RGL1: variants seen among roughly 807,000 people sequenced by gnomAD.
RGL1 encodes ral guanine nucleotide dissociation stimulator-like 1.
In RGL1, 24 loss-of-function variants were observed where a neutral mutation model predicts 95.2. The ratio of observed to expected loss-of-function variants is 0.25; its 90% CI spans 0.18 to 0.35. The LOEUF (loss-of-function observed/expected upper bound fraction) is 0.35, where lower values mean the gene tolerates loss of function less well. Among genes scored for constraint, RGL1 ranks in the 10% least tolerant of loss-of-function variants. The probability of loss-of-function intolerance (pLI) is 1.00; values close to 1 mark genes in which losing one functional copy is unlikely to be tolerated. For missense variants in RGL1, 715 were observed against 936.3 expected (o/e 0.76, Z 3.08); for synonymous variants, 329 against 344.9 (o/e 0.95, Z 0.51).
rs148163798 is a variant in RGL1, at chr1:183,847,723, C to T, written c.296C>T (p.Thr99Met). Reference protein sequence around the residue: ...DFTYISIFLSTYRGFASTKEV... With the variant: ...DFTYISIFLSMYRGFASTKEV... ...ACCTATATCAGCATCTTTCTTTCAA[C>T]GTACAGAGGCTTTGCCTCCACTAAA... The change falls in exon 3 of 18, where the codon ACG becomes ATG. Residue 99 changes from threonine to methionine, a missense_variant. Coordinates refer to ENST00000360851, the MANE Select transcript of RGL1 (RefSeq NM_001297671.3). The T allele has an allele frequency of 1.8e-5, 29 of 1,613,948 alleles. No homozygotes were observed. The highest frequency in any genetic ancestry group is 1.6e-4 in the African/African-American group (12 of 74,920).
chr1:183,791,560 C>T (rs1319668365), intron 2 of RGL1, among the ~76,000 whole-genome samples: 2 of 152,210 alleles, frequency 1.3e-5, no homozygotes, highest in South Asian at 2.1e-4. Context: ...ATGTAACTGA[C>T]CACACTAAGA....
chr1:183,643,137 T>TA (rs1324713136), intron 1 of RGL1, among the ~76,000 whole-genome samples: 1 of 152,234 alleles, frequency 6.6e-6, no homozygotes, highest in African/African-American at 2.4e-5. Flanking sequence ...CCATTGTATG[T>TA]ATATACCACA....
chr1:183,669,894 TGAGAACTCACTCACTGTC>T (rs1652324899), intron 1 of RGL1, among the ~76,000 whole-genome samples: 1 of 152,112 alleles, frequency 6.6e-6, no homozygotes, highest in Admixed American at 6.5e-5. Context: ...TCAGATCTCA[TGAGAACTCACTCACTGTC>T]ATGAGAACAG....
At chr1:183,687,626 A>G (rs900953565) in intron 1 of RGL1, among the ~76,000 whole-genome samples, 2 of 152,156 alleles carry the variant, frequency 1.3e-5, no homozygotes, top group Non-Finnish European at 1.5e-5. Context: ...GCAAGGCTCA[A>G]CAAATGACTG....
chr1:183,838,386 G>A (rs1318091825), intron 2 of RGL1, among the ~76,000 whole-genome samples: 1 of 152,152 alleles, frequency 6.6e-6, no homozygotes, highest in African/African-American at 2.4e-5. Flanking sequence ...GATGGCAAAG[G>A]GGGATGGGAT....
chr1:183,907,108 G>A lies in RGL1; in HGVS notation c.1562+7G>A, dbSNP rs754816103. The A allele has an allele frequency of 1.0e-5, 16 of 1,572,532 alleles. No homozygotes were observed. Among genetic ancestry groups the A allele is most frequent in the Admixed American group, 1.7e-5 (1 of 59,238 alleles). ...TGGTGAAGAGACTCAGCCTGTGAGT[G>A]TCCCCTGGGGGTTCTGGGGCTCCAA... On this transcript the variant is annotated splice_region_variant and intron_variant, in intron 14 of 17. Transcript: ENST00000360851.
chr1:183,726,080 A>G (rs916299377), intron 1 of RGL1, among the ~76,000 whole-genome samples: 1 of 152,180 alleles, frequency 6.6e-6, no homozygotes, highest in African/African-American at 2.4e-5. Flanking sequence ...AAGATGAAAT[A>G]AAAAGGAAAG....
chr1:183,688,132 A>G (rs1260848333), intron 1 of RGL1, among the ~76,000 whole-genome samples: 10 of 152,160 alleles, frequency 6.6e-5, no homozygotes, highest in Admixed American at 5.9e-4. Context: ...AAAGCACAAT[A>G]CAAGTGTAAT....
chr1:183,703,765 A>G (rs1654738224), intron 1 of RGL1, among the ~76,000 whole-genome samples: 1 of 152,124 alleles, frequency 6.6e-6, no homozygotes, highest in South Asian at 2.1e-4. Flanking sequence ...TTGCCCAGGT[A>G]CCTGTCTCTG....
intron 4 of RGL1, among the ~76,000 whole-genome samples, chr1:183,872,665 A>G (rs1295125756): frequency 6.6e-6 from 1 of 152,242 alleles, no homozygotes; most frequent in Non-Finnish European, 1.5e-5. Context: ...TACACTTTAA[A>G]GAGAAAGGAA....
rs138926487 is a variant in RGL1, at chr1:183,778,553, C to G, written c.133-27822C>G. ...CTTATTTTATATGATATGTTTCTGT[C>G]CTTTATGGGGGTAAACAGAGAAACT... is the stretch of plus-strand genomic sequence containing the variant. On this transcript the variant is annotated intron_variant, in intron 2 of 18. Transcript: ENST00000304685. 5.0e-3 allele frequency among the ~76,000 whole-genome samples: 768 copies of G among 152,112 alleles called. 8 individuals are homozygous for G. The highest frequency in any genetic ancestry group is 0.018 in the African/African-American group (744 of 41,470).
intron 1 of RGL1, among the ~76,000 whole-genome samples, chr1:183,688,554 C>T (rs1653758216): frequency 6.6e-6 from 1 of 152,048 alleles, no homozygotes; most frequent in African/African-American, 2.4e-5. Flanking sequence ...AAGACTGACG[C>T]CTCTGCAACC....
chr1:183,874,551 G>A (rs751559710), intron 4 of RGL1, among the ~76,000 whole-genome samples: 12 of 149,674 alleles, frequency 8.0e-5, no homozygotes, highest in South Asian at 2.1e-4. Context: ...TAGTCCCTGC[G>A]TTGCCCTTGC....
At chr1:183,874,472 C>G (rs1419959362) in intron 4 of RGL1, among the ~76,000 whole-genome samples, 2 of 151,944 alleles carry the variant, frequency 1.3e-5, no homozygotes, top group African/African-American at 4.8e-5. Flanking sequence ...GTATGTCTTC[C>G]TTTCATAATC....
chr1:183,918,503 G>A (rs1357858090), intron 16 of RGL1, among the ~76,000 whole-genome samples: 1 of 152,204 alleles, frequency 6.6e-6, no homozygotes, highest in African/African-American at 2.4e-5. Flanking sequence ...GCATGGATTT[G>A]TACACCAAAC....
At chr1:183,660,540 C>A (rs12035427) in intron 1 of RGL1, among the ~76,000 whole-genome samples, 2 of 150,136 alleles carry the variant, frequency 1.3e-5, no homozygotes, top group Admixed American at 6.6e-5. Context: ...CAATACAGGA[C>A]CACCCAGATT....
intron 3 of RGL1, among the ~76,000 whole-genome samples, chr1:183,862,355 C>T (rs1347399737): frequency 6.6e-6 from 1 of 152,046 alleles, no homozygotes; most frequent in Non-Finnish European, 1.5e-5. Context: ...GAGTGAGACC[C>T]TGTTTCAATG....
intron 16 of RGL1, among the ~76,000 whole-genome samples, chr1:183,918,876 CA>C (rs1028414565): frequency 2.0e-5 from 3 of 152,226 alleles, no homozygotes; most frequent in African/African-American, 7.2e-5. Context: ...TTAGGCCTCT[CA>C]GGAGAAACCT....
At chr1:183,892,395 A>T (rs569847359) in intron 9 of RGL1, among the ~76,000 whole-genome samples, 23 of 152,322 alleles carry the variant, frequency 1.5e-4, no homozygotes, top group Non-Finnish European at 2.9e-4. Flanking sequence ...ATGCAAGCAG[A>T]TTGTGAAACT....
Sources: allele counts gnomAD v4.1 joint callset (sites outside exome capture counted in the v4.1 genomes callset), GRCh38; gene constraint gnomAD v4.1.1; transcripts MANE v1.5; gene names NCBI Gene and HGNC (gene_info 2026-07-23, HGNC 2026-07-21).